DYNC1I1: variants seen among roughly 807,000 people sequenced by gnomAD.
DYNC1I1 encodes dynein cytoplasmic 1 intermediate chain 1.
Under a neutral mutation model 86.6 loss-of-function variants are expected in DYNC1I1, and 43 were observed. The ratio of observed to expected loss-of-function variants is 0.50; its 90% CI spans 0.39 to 0.64. The LOEUF (loss-of-function observed/expected upper bound fraction) is 0.64, where lower values mean the gene tolerates loss of function less well. Ranked by LOEUF, DYNC1I1 falls within the 30% of genes least tolerant of loss-of-function variation. The probability of loss-of-function intolerance (pLI) is 0.00; values close to 1 mark genes in which losing one functional copy is unlikely to be tolerated. For synonymous variants in DYNC1I1, 262 were observed against 283.7 expected (o/e 0.92, Z 0.77); for missense variants, 604 against 788.8 (o/e 0.77, Z 2.81).
At chr7:95,972,059 C>A (rs1793186541) in intron 6 of DYNC1I1, among the ~76,000 whole-genome samples, 1 of 152,134 alleles carries the variant, frequency 6.6e-6, no homozygotes, top group South Asian at 2.1e-4. Context: ...AAAGCAAGAA[C>A]CCAGTGGACT....
At chr7:96,101,491 C>G (rs1791136022), downstream of DYNC1I1, among the ~76,000 whole-genome samples, 1 of 152,088 alleles carries the variant, frequency 6.6e-6, no homozygotes, top group Admixed American at 6.6e-5. Flanking sequence ...CCCAAAAGGA[C>G]CTATGGGCAT....
In DYNC1I1 at chr7:95,882,017, T is replaced by G. The variant is rs1584122926; in HGVS notation, c.490+12019T>G. Among the ~76,000 whole-genome samples the G allele has an allele frequency of 4.6e-5, 7 of 152,320 alleles. No individual in the cohort carries two copies. In the South Asian group the frequency reaches 1.5e-3, roughly 32 times the overall value. ...TCTGGCTGAGGACACCATATTCATA[T>G]GTATTTTTTTTATCTTCAGCAGAAC... On this transcript the variant is annotated intron_variant, in intron 6 of 16. Transcript: ENST00000447467.
chr7:96,001,394 T>C (rs1361308355), intron 10 of DYNC1I1, among the ~76,000 whole-genome samples: 1 of 152,194 alleles, frequency 6.6e-6, no homozygotes, highest in Non-Finnish European at 1.5e-5. Flanking sequence ...GGATTCTAAC[T>C]ACCTCTTAAG....
chr7:96,090,374 G>T (rs905639323), intron 16 of DYNC1I1, among the ~76,000 whole-genome samples: 2 of 152,030 alleles, frequency 1.3e-5, no homozygotes, highest in African/African-American at 4.8e-5. Context: ...TAGTGTTTAA[G>T]GAGAAGGATA....
intron 10 of DYNC1I1, among the ~76,000 whole-genome samples, chr7:96,004,060 G>A (rs2115808286): frequency 6.6e-6 from 1 of 152,278 alleles, no homozygotes; most frequent in East Asian, 1.9e-4. Flanking sequence ...GTGACTTTGA[G>A]CAAAACTTAA....
At chr7:96,021,224 C>T (rs972166718) in intron 10 of DYNC1I1, among the ~76,000 whole-genome samples, 2 of 152,066 alleles carry the variant, frequency 1.3e-5, no homozygotes, top group African/African-American at 4.8e-5. Context: ...AAATGTGTCC[C>T]TCAAATATGC....
At chr7:95,798,227 A>G (rs966567555) in intron 1 of DYNC1I1, among the ~76,000 whole-genome samples, 1 of 152,186 alleles carries the variant, frequency 6.6e-6, no homozygotes, top group Non-Finnish European at 1.5e-5. Context: ...TATAAGGTGG[A>G]TTTTATTTAA....
chr7:95,886,040 T>C (rs1201733660), intron 6 of DYNC1I1, among the ~76,000 whole-genome samples: 1 of 152,218 alleles, frequency 6.6e-6, no homozygotes, highest in Non-Finnish European at 1.5e-5. Flanking sequence ...CTATCCTTTA[T>C]TGAGCTATTA....
intron 6 of DYNC1I1, among the ~76,000 whole-genome samples, chr7:95,937,431 C>T (rs974558884): frequency 1.3e-5 from 2 of 151,704 alleles, no homozygotes; most frequent in Non-Finnish European, 2.9e-5. Context: ...ACATTGTATA[C>T]CTCAAATATG....
intron 6 of DYNC1I1, among the ~76,000 whole-genome samples, chr7:95,960,477 A>G (rs888388019): frequency 3.9e-5 from 6 of 152,218 alleles, no homozygotes; most frequent in Non-Finnish European, 7.3e-5. Context: ...ATCAACAGAC[A>G]GGGATGACCT....
In DYNC1I1 at chr7:96,063,182, C is replaced by T. The variant is rs186011332; in HGVS notation, c.1510-12875C>T. The stretch of plus-strand genomic sequence containing the variant: ...GGCAGCCTGCCTCTTTCAATGGAGG[C>T]GCAATATAGCTGATGGTTGAGCCGT... On this transcript the variant is annotated intron_variant, in intron 14 of 16. Transcript: ENST00000447467. Among the ~76,000 whole-genome samples the T allele has an allele frequency of 4.5e-3, 683 of 151,088 alleles. 6 individuals are homozygous for T. The highest frequency in any genetic ancestry group is 0.015 in the African/African-American group (636 of 41,092).
At chr7:96,091,576 AAAGT>A (rs1357976799) in intron 16 of DYNC1I1, among the ~76,000 whole-genome samples, 1 of 152,214 alleles carries the variant, frequency 6.6e-6, no homozygotes, top group Non-Finnish European at 1.5e-5. Flanking sequence ...AAAGAAAACT[AAAGT>A]AAGCAATACC....
At chr7:95,961,800 T>C (rs751764831) in intron 6 of DYNC1I1, among the ~76,000 whole-genome samples, 1 of 152,210 alleles carries the variant, frequency 6.6e-6, no homozygotes, top group Non-Finnish European at 1.5e-5. Context: ...AGCATACTTA[T>C]TTTAAATGTA....
intron 6 of DYNC1I1, among the ~76,000 whole-genome samples, chr7:95,968,438 C>T (rs938875807): frequency 4.6e-5 from 7 of 152,158 alleles, no homozygotes; most frequent in Middle Eastern, 3.4e-3. Context: ...TTCCTTACAG[C>T]GAAAATAGTG....
chr7:96,074,686 A>G lies in DYNC1I1; in HGVS notation c.1510-1371A>G, dbSNP rs546222898. Among the ~76,000 whole-genome samples, 6 of 151,734 alleles carry G rather than the reference A, an allele frequency of 4.0e-5. No individual in the cohort carries two copies. In the South Asian group the frequency reaches 1.2e-3, roughly 32 times the overall value. On this transcript the variant is annotated intron_variant, in intron 14 of 16. Coordinates refer to ENST00000447467, the MANE Select transcript of DYNC1I1 (RefSeq NM_001135556.2). ...TGTGTGATATTTAGGTTACAGTTTTATTGTTTTCACACTGATTTTTCTCAC... is the reference window on the plus strand; with the variant it reads ...TGTGTGATATTTAGGTTACAGTTTTGTTGTTTTCACACTGATTTTTCTCAC...
intron 10 of DYNC1I1, among the ~76,000 whole-genome samples, chr7:96,027,633 T>C (rs1255862256): frequency 6.6e-6 from 1 of 152,152 alleles, no homozygotes; most frequent in Non-Finnish European, 1.5e-5. Context: ...GAGGAGCCAA[T>C]TGGATCAGTC....
chr7:95,870,502 A>G (rs1263157604), intron 6 of DYNC1I1, among the ~76,000 whole-genome samples: 1 of 152,224 alleles, frequency 6.6e-6, no homozygotes, highest in African/African-American at 2.4e-5. Flanking sequence ...AAGAGACCTT[A>G]TGGCTCACAA....
At chr7:95,779,001 C>T (rs548348953) in intron 1 of DYNC1I1, among the ~76,000 whole-genome samples, 10 of 152,140 alleles carry the variant, frequency 6.6e-5, no homozygotes, top group African/African-American at 2.4e-4. Flanking sequence ...TAGCCAGGAG[C>T]AATTGTCTTC....
intron 5 of DYNC1I1, among the ~76,000 whole-genome samples, chr7:95,855,931 T>C (rs1174782360): frequency 2.0e-5 from 3 of 152,184 alleles, no homozygotes; most frequent in Non-Finnish European, 4.4e-5. Flanking sequence ...CCATAGACTT[T>C]ATAAATACTA....
Sources: allele counts gnomAD v4.1 joint callset (sites outside exome capture counted in the v4.1 genomes callset), GRCh38; gene constraint gnomAD v4.1.1; transcripts MANE v1.5; gene names NCBI Gene and HGNC (gene_info 2026-07-23, HGNC 2026-07-21).